GPATCH2: variants seen among roughly 807,000 people sequenced by gnomAD.
The protein encoded by GPATCH2 is G patch domain-containing protein 2.
A neutral mutation model predicts 58.0 loss-of-function variants in GPATCH2; 51 were observed. The ratio of observed to expected loss-of-function variants is 0.88; its 90% CI spans 0.70 to 1.11. The LOEUF (loss-of-function observed/expected upper bound fraction) is 1.11, where lower values mean the gene tolerates loss of function less well. Ranked by LOEUF, GPATCH2 falls within the 50% of genes most tolerant of loss-of-function variation. GPATCH2 has a pLI of 0.00. For synonymous variants in GPATCH2, 222 were observed against 218.5 expected (o/e 1.02, Z -0.14); for missense variants, 625 against 652.2 (o/e 0.96, Z 0.45).
chr1:217,604,852 C>T (rs769616520), intron 5 of GPATCH2, among the ~76,000 whole-genome samples: 6 of 152,114 alleles, frequency 3.9e-5, no homozygotes, highest in Non-Finnish European at 7.4e-5. Flanking sequence ...ATGGCGAAAT[C>T]CTGGCTCTAC....
chr1:217,613,971 C>A (rs905886485), intron 3 of GPATCH2, among the ~76,000 whole-genome samples, 170 bp downstream of exon 3: 10 of 152,100 alleles, frequency 6.6e-5, no homozygotes, highest in Non-Finnish European at 1.0e-4. Flanking sequence ...GAAGACAGGA[C>A]ACCCTCCATA....
At chr1:217,447,217 G>C (rs546629570) in intron 9 of GPATCH2, among the ~76,000 whole-genome samples, 1 of 152,078 alleles carries the variant, frequency 6.6e-6, no homozygotes, top group Non-Finnish European at 1.5e-5. Flanking sequence ...ATGAATATTC[G>C]CATTTCTACA....
chr1:217,448,692 T>C (rs1304936038), intron 9 of GPATCH2, among the ~76,000 whole-genome samples: 1 of 152,162 alleles, frequency 6.6e-6, no homozygotes, highest in East Asian at 1.9e-4. Flanking sequence ...AATGGCATAT[T>C]ATTAGAACGA....
intron 8 of GPATCH2, among the ~76,000 whole-genome samples, chr1:217,472,387 C>T (rs867840622): frequency 1.1e-4 from 16 of 150,868 alleles, no homozygotes; most frequent in Admixed American, 4.0e-4. Flanking sequence ...CTGCAAGCTC[C>T]GCTTCCCAGG....
At chr1:217,445,941 A>T (rs1157457914) in intron 9 of GPATCH2, among the ~76,000 whole-genome samples, 3 of 152,126 alleles carry the variant, frequency 2.0e-5, no homozygotes, top group African/African-American at 4.8e-5. Flanking sequence ...CTTTTATTAA[A>T]AGTGTTATTT....
chr1:217,516,081 CCTT>C (rs1464540136), intron 5 of GPATCH2, among the ~76,000 whole-genome samples: 4 of 151,414 alleles, frequency 2.6e-5, no homozygotes, highest in African/African-American at 9.7e-5. Context: ...GTAAGCTACT[CCTT>C]TTTTTTTTTT....
intron 8 of GPATCH2, among the ~76,000 whole-genome samples, chr1:217,453,695 G>A (rs1659781012): frequency 6.6e-6 from 1 of 152,050 alleles, no homozygotes. Flanking sequence ...ACAAAAAACA[G>A]AAACAAAAAC....
At chr1:217,449,017 C>A (rs185422187) in intron 9 of GPATCH2, among the ~76,000 whole-genome samples, 5 of 152,170 alleles carry the variant, frequency 3.3e-5, no homozygotes, top group African/African-American at 1.2e-4. Flanking sequence ...CCTTTTAATA[C>A]CTTACACGAA....
intron 5 of GPATCH2, among the ~76,000 whole-genome samples, chr1:217,590,046 A>C (rs1028936398): frequency 6.7e-6 from 1 of 149,216 alleles, no homozygotes; most frequent in East Asian, 2.0e-4. Flanking sequence ...TTTTTGAGAC[A>C]GTCTCACTCT....
Position 217,521,859 on chromosome 1 carries a change from G to T in GPATCH2, c.1099-6970C>A, listed in dbSNP as rs536583228. 2.6e-5 allele frequency among the ~76,000 whole-genome samples: 4 copies of T among 152,198 alleles called. No individual in the cohort carries two copies. The East Asian group carries it at 7.7e-4, about 29-fold the overall frequency. On this transcript the variant is annotated intron_variant, in intron 5 of 9. Transcript: ENST00000366935. Reference sequence around the variant, plus strand: ...AGGCTTGTCTTTCTGTTGAGGATTTGCCTTCCTAGAGGAATCCGTACACGT... The same window carrying T: ...AGGCTTGTCTTTCTGTTGAGGATTTTCCTTCCTAGAGGAATCCGTACACGT...
intron 8 of GPATCH2, among the ~76,000 whole-genome samples, chr1:217,465,588 C>T (rs1660408928): frequency 6.6e-6 from 1 of 152,130 alleles, no homozygotes; most frequent in African/African-American, 2.4e-5. Context: ...CTCATGAGAT[C>T]TGATTGGTTT....
At chr1:217,570,217 T>C (rs1666467510) in intron 5 of GPATCH2, among the ~76,000 whole-genome samples, 1 of 152,144 alleles carries the variant, frequency 6.6e-6, no homozygotes, top group South Asian at 2.1e-4. Flanking sequence ...GTTCCAGCGA[T>C]TCTCCTGCCT....
intron 1 of GPATCH2, among the ~76,000 whole-genome samples, chr1:217,622,518 T>C (rs1179483173): frequency 1.3e-5 from 2 of 152,256 alleles, no homozygotes; most frequent in Non-Finnish European, 2.9e-5. Context: ...TGATTTTTCC[T>C]TTCTAAGGGT....
At chr1:217,573,066 T>A (rs1213436461) in intron 5 of GPATCH2, among the ~76,000 whole-genome samples, 1 of 152,204 alleles carries the variant, frequency 6.6e-6, no homozygotes, top group East Asian at 1.9e-4. Flanking sequence ...TCATCTACAA[T>A]ATGCTTTTTA....
chr1:217,585,287 A>G (rs914870607), intron 5 of GPATCH2, among the ~76,000 whole-genome samples: 1 of 152,022 alleles, frequency 6.6e-6, no homozygotes, highest in Non-Finnish European at 1.5e-5. Flanking sequence ...TTATTAATAT[A>G]TTCTAATATT....
chr1:217,548,994 T>C (rs1415726753), intron 5 of GPATCH2, among the ~76,000 whole-genome samples: 1 of 152,190 alleles, frequency 6.6e-6, no homozygotes, highest in Non-Finnish European at 1.5e-5. Context: ...TGCTCTATTC[T>C]CTTTAAAAAT....
chr1:217,498,175 G>A, intron 7 of GPATCH2, 181 bp downstream of exon 7: 1 of 706,460 alleles, frequency 1.4e-6, no homozygotes. Context: ...AAACTCTCAT[G>A]CTGATTAAGG....
chr1:217,602,629 A>G (rs1668159801), intron 5 of GPATCH2, among the ~76,000 whole-genome samples: 1 of 152,188 alleles, frequency 6.6e-6, no homozygotes, highest in South Asian at 2.1e-4. Context: ...GCTGAAACAG[A>G]GCAAGCAAGC....
chr1:217,543,318 G>T (rs1664851136), intron 5 of GPATCH2, among the ~76,000 whole-genome samples: 1 of 141,964 alleles, frequency 7.0e-6, no homozygotes, highest in South Asian at 2.2e-4. Context: ...CGCCCAGGCT[G>T]GAGTGCAGTG....
Sources: allele counts gnomAD v4.1 joint callset (sites outside exome capture counted in the v4.1 genomes callset), GRCh38; gene constraint gnomAD v4.1.1; transcripts MANE v1.5; gene names NCBI Gene and HGNC (gene_info 2026-07-23, HGNC 2026-07-21).